CEACAM16: variants seen among roughly 807,000 people sequenced by gnomAD.
CEACAM16 encodes the protein CEA cell adhesion molecule 16, tectorial membrane component, also known as cell adhesion molecule CEACAM16.
In CEACAM16, 30 loss-of-function variants were observed where a neutral mutation model predicts 39.4. The ratio of observed to expected loss-of-function variants is 0.76; its 90% CI spans 0.57 to 1.03. The LOEUF is 1.03. Ranked by LOEUF, CEACAM16 falls within the 50% of genes least tolerant of loss-of-function variation. The probability of loss-of-function intolerance (pLI) is 0.00; values close to 1 mark genes in which losing one functional copy is unlikely to be tolerated. For synonymous variants in CEACAM16, 262 were observed against 264.9 expected (o/e 0.99, Z 0.11); for missense variants, 521 against 585.3 (o/e 0.89, Z 1.13).
In CEACAM16 at chr19:44,703,561, C is replaced by T. The variant is rs750005713; in HGVS notation, c.250C>T (p.Arg84Trp). 14 of 1,612,064 alleles carry T rather than the reference C, an allele frequency of 8.7e-6. No homozygotes were observed. The highest frequency in any genetic ancestry group is 5.0e-5 in the Admixed American group (3 of 59,800). The change falls in exon 3 of 7, where the codon CGG becomes TGG. Residue 84 changes from arginine to tryptophan, a missense_variant. Coordinates refer to ENST00000587331, the MANE Select transcript of CEACAM16 (RefSeq NM_001039213.4). ...DETPGPAHTG[R>W]EAVRPDGSLD... ...GACTCCTGGCCCGGCCCACACGGGG[C>T]GGGAGGCTGTGCGCCCCGATGGCAG...
At chr19:44,705,385 T>G in intron 4 of CEACAM16, among the ~76,000 whole-genome samples, 1 of 152,190 alleles carries the variant, frequency 6.6e-6, no homozygotes. Flanking sequence ...CACATTCTTT[T>G]TACAGGAGAG....
At chr19:44,709,509 T>G (rs189143672) in intron 6 of CEACAM16, among the ~76,000 whole-genome samples, 3,126 of 103,834 alleles carry the variant, frequency 0.03, 364 homozygotes, top group African/African-American at 0.068. Flanking sequence ...GCTCCCAGAG[T>G]CAGGGACCAT....
chr19:44,706,352 A>AG (rs1281469203), intron 5 of CEACAM16, among the ~76,000 whole-genome samples: 1 of 152,066 alleles, frequency 6.6e-6, no homozygotes, highest in African/African-American at 2.4e-5. Context: ...ATGGAGAAAC[A>AG]GCTGGGGAGG....
rs888486314 is a variant in CEACAM16, at chr19:44,701,086, C to T, written c.-96-275C>T. On this transcript the variant is annotated intron_variant, in intron 1 of 6. Transcript: ENST00000587331. This position sits in a 1 kb window ranked among gnomAD's most constrained non-coding sequence, Gnocchi z 4.0. ...TGACTCCCAGGCTCTCTGAGGAGGC[C>T]ACGGGCCTGGGTGGTTGGTAAGAAC... Among the ~76,000 whole-genome samples the T allele has an allele frequency of 1.3e-5, 2 of 152,182 alleles. No homozygotes were observed. Among genetic ancestry groups the T allele is most frequent in the South Asian group, 2.1e-4 (1 of 4,830 alleles).
In CEACAM16 at chr19:44,699,157, C is replaced by G; in HGVS notation, c.-200C>G. The G allele has an allele frequency of 4.0e-6, 2 of 501,304 alleles. No individual in the cohort carries two copies. The highest frequency in any genetic ancestry group is 3.0e-5 in the South Asian group (2 of 67,676). 31.1% of individuals were successfully genotyped at this position (501,304 alleles called of 1,614,324 possible). A position where few individuals can be genotyped will look rare whatever the true frequency, so the allele number is the denominator to read the frequency against. ...TCATCCGTCTTGTGCACGGCTGCATCCTCAGCGCCTAGAACAGCACCTGGC... is the reference window on the plus strand; with the variant it reads ...TCATCCGTCTTGTGCACGGCTGCATGCTCAGCGCCTAGAACAGCACCTGGC... On this transcript the variant is annotated 5_prime_UTR_variant, in exon 1 of 7. The change creates a new upstream start codon in the 5' untranslated region. Transcript: ENST00000587331.
At chr19:44,702,677 G>A (rs1346022621) in intron 2 of CEACAM16, among the ~76,000 whole-genome samples, 1 of 152,288 alleles carries the variant, frequency 6.6e-6, no homozygotes, top group Non-Finnish European at 1.5e-5. Context: ...AGGCGAGCTT[G>A]GAGAGGCAGA....
chr19:44,708,129 C>T lies in CEACAM16; in HGVS notation c.1209C>T (p.Leu403=), dbSNP rs1447627318. 1.2e-6 allele frequency: 2 copies of T among 1,608,162 alleles called. No homozygotes were observed. Among genetic ancestry groups the T allele is most frequent in the Non-Finnish European group, 1.7e-6 (2 of 1,177,296 alleles). Residue 403 remains leucine, a synonymous_variant, in exon 6 of 7, where the codon CTC becomes CTT. Transcript: ENST00000587331. ...LNLTDTGRYT[L]KTVTVQGKTE... is the part of the protein sequence containing the mutation. ...TCACAGACACTGGCCGCTACACACT[C>T]AAGACTGTCACAGTGCAGGGCAAGA... is the stretch of plus-strand genomic sequence containing the variant.
rs746286359 is a variant in CEACAM16 at position 44,703,393 on chromosome 19, C to A, written c.82C>A (p.Pro28Thr). 1 of 1,613,528 alleles carries A rather than the reference C, an allele frequency of 6.2e-7. No individual in the cohort carries two copies. The highest frequency in any genetic ancestry group is 1.3e-5 in the African/African-American group (1 of 74,926). Reference protein sequence around the residue: ...VGAEISITLEPAQPSEGDNVT... With the variant: ...VGAEISITLETAQPSEGDNVT... Reference sequence around the variant, plus strand: ...GGCCGAGATCTCTATCACCCTGGAGCCTGCCCAGCCGAGCGAAGGGGACAA... The same window carrying A: ...GGCCGAGATCTCTATCACCCTGGAGACTGCCCAGCCGAGCGAAGGGGACAA... The change falls in exon 3 of 7, where the codon CCT becomes ACT. Residue 28 changes from proline (P) to threonine (T), a missense_variant. Transcript: ENST00000587331.
At chr19:44,705,239 A>G (rs1002885873) in intron 4 of CEACAM16, among the ~76,000 whole-genome samples, 11 of 152,246 alleles carry the variant, frequency 7.2e-5, no homozygotes, top group African/African-American at 2.6e-4. Flanking sequence ...TAGAACCTAG[A>G]AGCACCAATT....
chr19:44,710,375 T>C, intron 6 of CEACAM16, 121 bp from the exon 7 acceptor site: 1 of 1,013,316 alleles, frequency 9.9e-7, no homozygotes, highest in African/African-American at 1.6e-5. Flanking sequence ...GAGCGTGGGG[T>C]GGATTGGGCC....
At chr19:44,700,461 T>G (rs1246505145) in intron 1 of CEACAM16, among the ~76,000 whole-genome samples, 1 of 152,078 alleles carries the variant, frequency 6.6e-6, no homozygotes, top group Non-Finnish European at 1.5e-5. Context: ...TTATTTTTAG[T>G]AGAGATGGGG....
chr19:44,704,755 A>AC (rs200621720), intron 4 of CEACAM16, among the ~76,000 whole-genome samples: 11 of 91,028 alleles, frequency 1.2e-4, no homozygotes, highest in African/African-American at 3.9e-4. Context: ...AAACAAACAA[A>AC]AAAAAACAAC....
At chr19:44,703,215 C>T (rs541596543) in intron 2 of CEACAM16, 134 bp from the exon 3 acceptor site, 2 of 714,530 alleles carry the variant, frequency 2.8e-6, no homozygotes, top group East Asian at 5.5e-5. Flanking sequence ...GGTTCAAATC[C>T]TGGTTTTGCC....
At chr19:44,704,748 C>CA (rs1266647306) in intron 4 of CEACAM16, among the ~76,000 whole-genome samples, 15 of 91,048 alleles carry the variant, frequency 1.6e-4, no homozygotes, top group Admixed American at 1.2e-3. Context: ...AAAAAACAAA[C>CA]AAACAAAAAA....
chr19:44,700,884 C>A (rs1465702682), intron 1 of CEACAM16, among the ~76,000 whole-genome samples: 1 of 152,224 alleles, frequency 6.6e-6, no homozygotes, highest in Non-Finnish European at 1.5e-5. Context: ...CCTCTCCCTG[C>A]AGGAACCCGG....
At chr19:44,708,643 C>T (rs138412556) in intron 6 of CEACAM16, among the ~76,000 whole-genome samples, 184 of 152,276 alleles carry the variant, frequency 1.2e-3, no homozygotes, top group African/African-American at 4.1e-3. Context: ...ATGAATCAGG[C>T]CTCCCTATTC....
At chr19:44,704,388 G>T in intron 4 of CEACAM16, 92 bp downstream of exon 4, 3 of 1,399,322 alleles carry the variant, frequency 2.1e-6, no homozygotes, top group Non-Finnish European at 2.8e-6. Flanking sequence ...AGGGCACACA[G>T]CGAGTCAGCA....
At chr19:44,702,800 G>T (rs1010792645) in intron 2 of CEACAM16, among the ~76,000 whole-genome samples, 5 of 152,258 alleles carry the variant, frequency 3.3e-5, no homozygotes, top group African/African-American at 1.2e-4. Context: ...GACTTAGTTT[G>T]GTGACTGTCA....
At chr19:44,706,267 T>TAC (rs1491559567) in intron 5 of CEACAM16, among the ~76,000 whole-genome samples, 5 of 70,210 alleles carry the variant, frequency 7.1e-5, no homozygotes, top group East Asian at 8.2e-4. Flanking sequence ...AGATGATGGG[T>TAC]ATACACACAC....
Sources: gnomAD v4.1 joint callset for allele counts (sites outside exome capture counted in the v4.1 genomes callset) on GRCh38, gnomAD v4.1.1 for gene constraint, Gnocchi (gnomAD v3.1) non-coding constraint, MANE v1.5 for transcripts, NCBI Gene and HGNC (gene_info 2026-07-23, HGNC 2026-07-21) for gene names.